FAM107B: variants seen among roughly 807,000 people sequenced by gnomAD.
The protein encoded by FAM107B is family with sequence similarity 107 member B, also known as protein FAM107B.
FAM107B carries 21 observed loss-of-function variants against 31.5 expected under a neutral mutation model. The ratio of observed to expected loss-of-function variants is 0.67; its 90% CI spans 0.47 to 0.96. The LOEUF (loss-of-function observed/expected upper bound fraction) is 0.96. Among genes scored for constraint, FAM107B ranks in the 40% least tolerant of loss-of-function variants. The pLI is 0.00. For missense variants in FAM107B, 452 were observed against 377.1 expected (o/e 1.20, Z -1.64); for synonymous variants, 157 against 141.5 (o/e 1.11, Z -0.78).
chr10:14,626,930 T>C (rs1481428513), intron 2 of FAM107B, among the ~76,000 whole-genome samples: 2 of 152,218 alleles, frequency 1.3e-5, no homozygotes, highest in Admixed American at 6.5e-5. Flanking sequence ...CCTCTTTCTA[T>C]CTTTTGGACA....
chr10:14,756,727 C>T (rs1020833766), intron 1 of FAM107B, among the ~76,000 whole-genome samples: 1 of 152,186 alleles, frequency 6.6e-6, no homozygotes, highest in African/African-American at 2.4e-5. Context: ...TTTATTGCAA[C>T]ACTGCTCACA....
intron 2 of FAM107B, among the ~76,000 whole-genome samples, chr10:14,664,378 C>T (rs904542765): frequency 4.6e-5 from 7 of 152,204 alleles, no homozygotes; most frequent in Non-Finnish European, 7.3e-5. Flanking sequence ...GTATTTACCA[C>T]TCTAAATACA....
At chr10:14,750,328 C>T (rs1832802602) in intron 1 of FAM107B, among the ~76,000 whole-genome samples, 1 of 152,128 alleles carries the variant, frequency 6.6e-6, no homozygotes, top group African/African-American at 2.4e-5. Flanking sequence ...TAAAGCACTG[C>T]AAGCCGAGCA....
At chr10:14,678,618 C>G (rs66652186) in intron 1 of FAM107B, among the ~76,000 whole-genome samples, 1 of 59,838 alleles carries the variant, frequency 1.7e-5, no homozygotes, top group African/African-American at 4.4e-5. Flanking sequence ...TTCCTCTCCT[C>G]TCCTCTCCTC....
At chr10:14,626,964 T>C (rs773440692) in intron 2 of FAM107B, among the ~76,000 whole-genome samples, 1 of 152,196 alleles carries the variant, frequency 6.6e-6, no homozygotes, top group Non-Finnish European at 1.5e-5. Context: ...CCTCATTTAT[T>C]ATCTGGATTT....
At chr10:14,722,167 C>A (rs151222869) in intron 1 of FAM107B, among the ~76,000 whole-genome samples, 26 of 152,248 alleles carry the variant, frequency 1.7e-4, no homozygotes, top group African/African-American at 6.3e-4. Flanking sequence ...TAAAAAGAAA[C>A]CTCACACCTA....
At chr10:14,609,970 G>A (rs374847331) in intron 2 of FAM107B, among the ~76,000 whole-genome samples, 3 of 152,182 alleles carry the variant, frequency 2.0e-5, no homozygotes, top group African/African-American at 2.4e-5. Context: ...CACATGGTCC[G>A]TTCAGTGGTT....
At chr10:14,737,270 GAGAA>G (rs1343807637) in intron 1 of FAM107B, among the ~76,000 whole-genome samples, 1 of 151,882 alleles carries the variant, frequency 6.6e-6, no homozygotes, top group Admixed American at 6.6e-5. Context: ...GGAGGTGAGA[GAGAA>G]AGAGAGGAGT....
rs139051370 is a variant in FAM107B, at chr10:14,552,640, C to G, written c.470-22125G>C. Among the ~76,000 whole-genome samples, 9 of 152,174 alleles carry G rather than the reference C, an allele frequency of 5.9e-5. No homozygotes were observed. The East Asian group carries it at 1.5e-3, about 26-fold the overall frequency. ...TCACTTGAGGCCAGGAGTTCGAGAC[C>G]AGCATGGGCAACATAGCCAAACTCC... On this transcript the variant is annotated intron_variant, in intron 2 of 4. Coordinates refer to ENST00000181796, the MANE Select transcript of FAM107B (RefSeq NM_031453.4).
intron 1 of FAM107B, among the ~76,000 whole-genome samples, chr10:14,669,966 C>A (rs1193073233): frequency 6.6e-6 from 1 of 152,114 alleles, no homozygotes; most frequent in Non-Finnish European, 1.5e-5. Context: ...TAAATACTTG[C>A]ATAATGGATA....
At chr10:14,673,687 T>G (rs374265186) in intron 1 of FAM107B, among the ~76,000 whole-genome samples, 1 of 152,194 alleles carries the variant, frequency 6.6e-6, no homozygotes, top group Non-Finnish European at 1.5e-5. Context: ...GGTCGTTCTA[T>G]TTTTAGTTTT....
At chr10:14,534,673 C>A (rs567860660) in intron 2 of FAM107B, 1 of 152,284 alleles carries the variant, frequency 6.6e-6, no homozygotes, top group Non-Finnish European at 1.5e-5. Context: ...GCCAAACTCA[C>A]GCATCCAGCA....
At chr10:14,643,888 C>T (rs968062429) in intron 2 of FAM107B, among the ~76,000 whole-genome samples, 5 of 152,228 alleles carry the variant, frequency 3.3e-5, no homozygotes, top group Non-Finnish European at 7.3e-5. Flanking sequence ...TACTCCACAA[C>T]AACTGCAGGC....
At chr10:14,641,950 C>T (rs1853639036) in intron 2 of FAM107B, among the ~76,000 whole-genome samples, 1 of 152,210 alleles carries the variant, frequency 6.6e-6, no homozygotes, top group South Asian at 2.1e-4. Flanking sequence ...CTTTAAATAT[C>T]ATCTAAATCA....
At chr10:14,532,295 C>G (rs1460778598) in intron 2 of FAM107B, among the ~76,000 whole-genome samples, 2 of 152,120 alleles carry the variant, frequency 1.3e-5, no homozygotes, top group East Asian at 3.8e-4. Context: ...AAGTATGACC[C>G]TGCCCCCAGC....
At chr10:14,715,247 T>A (rs1450694557) in intron 1 of FAM107B, among the ~76,000 whole-genome samples, 1 of 151,832 alleles carries the variant, frequency 6.6e-6, no homozygotes, top group East Asian at 1.9e-4. Flanking sequence ...CAAGGACAGA[T>A]GATGTGAAAA....
chr10:14,638,383 A>G (rs1853554291), intron 2 of FAM107B, among the ~76,000 whole-genome samples: 1 of 152,112 alleles, frequency 6.6e-6, no homozygotes, highest in African/African-American at 2.4e-5. Flanking sequence ...CAGTCAAAGT[A>G]GAAGCATTAT....
At chr10:14,554,158 G>A in intron 2 of FAM107B, 2 of 985,358 alleles carry the variant, frequency 2.0e-6, no homozygotes, top group Non-Finnish European at 2.4e-6. Flanking sequence ...AGTTAGAAAT[G>A]GGCTTTTTCT....
In FAM107B at chr10:14,520,871, A is replaced by T. The variant is rs2130739925; in HGVS notation, c.*319T>A. 1 of 257,716 alleles carries T rather than the reference A, an allele frequency of 3.9e-6. No homozygotes were observed. The highest frequency in any genetic ancestry group is 1.6e-4 in the South Asian group (1 of 6,084). 16.0% of individuals were successfully genotyped at this position (257,716 alleles called of 1,614,324 possible). A position where few individuals can be genotyped will look rare whatever the true frequency, so the allele number is the denominator to read the frequency against. ...AATGGAAGAAAAACCAAGTAGTGCA[A>T]CTCTCAAGAATTGATTCCAGTGTCC... On this transcript the variant is annotated 3_prime_UTR_variant, in exon 5 of 5. Coordinates refer to ENST00000181796, the MANE Select transcript of FAM107B (RefSeq NM_031453.4).
Sources: allele counts gnomAD v4.1 joint callset (sites outside exome capture counted in the v4.1 genomes callset), GRCh38; gene constraint gnomAD v4.1.1; transcripts MANE v1.5; gene names NCBI Gene and HGNC (gene_info 2026-07-23, HGNC 2026-07-21).